Variants in ARHGEF10L observed in about 807,000 individuals in gnomAD.
ARHGEF10L encodes the protein rho guanine nucleotide exchange factor 10-like protein.
In ARHGEF10L, 69 loss-of-function variants were observed where a neutral mutation model predicts 141.2. The observed-to-expected ratio is 0.49, with a 90% CI of 0.40 to 0.60. ARHGEF10L has a LOEUF of 0.60. Ranked by LOEUF, ARHGEF10L falls within the 20% of genes least tolerant of loss-of-function variation. The pLI, the probability that ARHGEF10L is intolerant of heterozygous loss-of-function variation, is 0.00. For synonymous variants in ARHGEF10L, 711 were observed against 718.5 expected (o/e 0.99, Z 0.17); for missense variants, 1,482 against 1,734.3 (o/e 0.85, Z 2.58).
At chr1:17,527,370 T>C in the ARHGEF10L span, among the ~76,000 whole-genome samples, 19 of 152,284 alleles carry the variant, frequency 1.2e-4, no homozygotes, top group African/African-American at 4.6e-4. Flanking sequence ...TCCTGGCGGG[T>C]GCTCCACACA....
chr1:17,667,442 G>T (rs537670734), intron 26 of ARHGEF10L, among the ~76,000 whole-genome samples: 8 of 152,360 alleles, frequency 5.3e-5, no homozygotes, highest in Middle Eastern at 3.4e-3. Context: ...ATATTGGGGG[G>T]AGTGGGGCCC....
chr1:17,687,239 G>C lies in ARHGEF10L; in HGVS notation c.3010-334G>C, dbSNP rs141599339. ...CATGCCTGGTCCTGTCTGCTCGTGA[G>C]TGAGCGTGTGCATGTCTTTCCTGCT... On this transcript the variant is annotated intron_variant, in intron 26 of 28. Transcript: ENST00000361221. Among the ~76,000 whole-genome samples the C allele has an allele frequency of 2.7e-3, 410 of 152,300 alleles. 2 individuals carry two copies. The highest frequency in any genetic ancestry group is 9.6e-3 in the African/African-American group (399 of 41,572).
intron 2 of ARHGEF10L, among the ~76,000 whole-genome samples, chr1:17,586,336 G>A (rs1168986490): frequency 2.0e-5 from 3 of 152,248 alleles, no homozygotes; most frequent in South Asian, 4.1e-4. Context: ...GGCCATGTGA[G>A]CGCAGAGCTC....
At chr1:17,537,262 G>A (rs2076588529), upstream of ARHGEF10L, among the ~76,000 whole-genome samples, 2 of 152,168 alleles carry the variant, frequency 1.3e-5, no homozygotes, top group African/African-American at 4.8e-5. Flanking sequence ...CAAAACCACT[G>A]TGGGCAAAAC....
chr1:17,603,081 C>T lies in ARHGEF10L; in HGVS notation c.350-427C>T, dbSNP rs1190701439. Among the ~76,000 whole-genome samples, 5 of 151,554 alleles carry T rather than the reference C, an allele frequency of 3.3e-5. No homozygotes were observed. Among genetic ancestry groups the T allele is most frequent in the Non-Finnish European group, 5.9e-5 (4 of 67,800 alleles). On this transcript the variant is annotated intron_variant, in intron 5 of 28. Coordinates refer to ENST00000361221, the MANE Select transcript of ARHGEF10L (RefSeq NM_018125.4). The surrounding 1 kb of genome is among the most constrained non-coding windows in gnomAD (Gnocchi z 4.8). ...CCTGGAAGGCCTGTGGGTCAAGGACCGGCTCCCATCAGGGGTGGGGGCTGG... is the reference window on the plus strand; with the variant it reads ...CCTGGAAGGCCTGTGGGTCAAGGACTGGCTCCCATCAGGGGTGGGGGCTGG...
chr1:17,594,559 C>T (rs1036363446), intron 4 of ARHGEF10L, among the ~76,000 whole-genome samples: 1 of 152,164 alleles, frequency 6.6e-6, no homozygotes, highest in African/African-American at 2.4e-5. Context: ...CTCACTCCAA[C>T]CTCTGCTCTG....
Position 17,615,903 on chromosome 1 carries a change from G to C in ARHGEF10L, c.727-191G>C, listed in dbSNP as rs1046190713. The C allele has an allele frequency of 3.5e-6, 2 of 576,818 alleles. No homozygotes were observed. The highest frequency in any genetic ancestry group is 2.9e-5 in the East Asian group (1 of 34,774). The allele number at this position is 576,818 out of a possible 1,614,324, so 35.7% of individuals were successfully genotyped here. A position where few individuals can be genotyped will look rare whatever the true frequency, so the allele number is the denominator to read the frequency against. ...GTTACAGCCTCCTGTTGCCCCTAAA[G>C]AGGGAGATCCCCGGGCATGAACGCA... On this transcript the variant is annotated intron_variant, in intron 8 of 28. Coordinates refer to ENST00000361221, the MANE Select transcript of ARHGEF10L (RefSeq NM_018125.4). The surrounding 1 kb of genome is among the most constrained non-coding windows in gnomAD (Gnocchi z 4.7).
At chr1:17,563,666 G>A (rs2100222351) in intron 1 of ARHGEF10L, among the ~76,000 whole-genome samples, 1 of 152,268 alleles carries the variant, frequency 6.6e-6, no homozygotes, top group African/African-American at 2.4e-5. Context: ...ACCTAATTGG[G>A]TCTCAGGAGT....
intron 22 of ARHGEF10L, among the ~76,000 whole-genome samples, chr1:17,653,236 G>T (rs978415786): frequency 2.0e-5 from 3 of 152,214 alleles, no homozygotes; most frequent in Admixed American, 6.5e-5. Context: ...TGGGGCTGGA[G>T]CCGTGTTGGC....
At chr1:17,664,406 C>A in intron 25 of ARHGEF10L, 41 bp from the exon 26 acceptor site, 1 of 1,584,588 alleles carries the variant, frequency 6.3e-7, no homozygotes. Flanking sequence ...GACCTGCTTG[C>A]CGCTCCTGGC....
intron 4 of ARHGEF10L, among the ~76,000 whole-genome samples, chr1:17,594,481 C>G (rs979842149): frequency 6.6e-6 from 1 of 152,100 alleles, no homozygotes; most frequent in Non-Finnish European, 1.5e-5. Flanking sequence ...CCCTCAGTTT[C>G]TTTTCTTTTC....
At chr1:17,696,765 T>A in intron 28 of ARHGEF10L, 83 bp from the exon 29 acceptor site, 5 of 1,346,112 alleles carry the variant, frequency 3.7e-6, no homozygotes, top group Non-Finnish European at 4.0e-6. Flanking sequence ...CCACCCAGAA[T>A]GTTCTCCAGG....
chr1:17,609,012 G>A (rs113523515), intron 7 of ARHGEF10L, among the ~76,000 whole-genome samples: 1 of 152,128 alleles, frequency 6.6e-6, no homozygotes, highest in African/African-American at 2.4e-5. Flanking sequence ...CAAACTCCTG[G>A]CCTCAAGTGA....
intron 4 of ARHGEF10L, among the ~76,000 whole-genome samples, chr1:17,589,712 C>T (rs756295333): frequency 6.6e-6 from 1 of 152,192 alleles, no homozygotes; most frequent in African/African-American, 2.4e-5. Context: ...AGCAGCCATT[C>T]GTCCTGCACC....
rs765771808 is a variant in ARHGEF10L at position 17,656,530 on chromosome 1, C to G, written c.2706-24C>G. On this transcript the variant is annotated intron_variant, in intron 24 of 28. Coordinates refer to ENST00000361221, the MANE Select transcript of ARHGEF10L (RefSeq NM_018125.4). The surrounding 1 kb of genome is among the most constrained non-coding windows in gnomAD (Gnocchi z 4.9). Reference sequence around the variant, plus strand: ...GTGGGAGTGCTCAGTGTGTCATGACCGCTTCTCCAACCTCTCCCCGCAGCA... The same window carrying G: ...GTGGGAGTGCTCAGTGTGTCATGACGGCTTCTCCAACCTCTCCCCGCAGCA... 5.6e-6 allele frequency: 9 copies of G among 1,599,562 alleles called. No individual in the cohort carries two copies. In the East Asian group the frequency reaches 6.7e-5, roughly 12 times the overall value.
chr1:17,609,323 G>A (rs2059421739), intron 7 of ARHGEF10L, among the ~76,000 whole-genome samples: 1 of 152,220 alleles, frequency 6.6e-6, no homozygotes, highest in South Asian at 2.1e-4. Context: ...GACTGAGCAG[G>A]TCTCTCTCAG....
At chr1:17,658,133 G>A (rs2062391952) in intron 25 of ARHGEF10L, among the ~76,000 whole-genome samples, 1 of 152,196 alleles carries the variant, frequency 6.6e-6, no homozygotes, top group Non-Finnish European at 1.5e-5. Context: ...GTTTTCCCTG[G>A]CTGTGTGTCT....
At chr1:17,552,080 C>T (rs1405782880) in intron 1 of ARHGEF10L, among the ~76,000 whole-genome samples, 1 of 152,198 alleles carries the variant, frequency 6.6e-6, no homozygotes, top group Non-Finnish European at 1.5e-5. Context: ...TCTGCTTCCT[C>T]CCCAATGAGT....
intron 1 of ARHGEF10L, among the ~76,000 whole-genome samples, chr1:17,578,954 C>T (rs2078345297): frequency 6.6e-6 from 1 of 152,054 alleles, no homozygotes; most frequent in Non-Finnish European, 1.5e-5. Context: ...CTTGAGAAGT[C>T]AGTAACAGTC....
Sources: gnomAD v4.1 joint callset for allele counts (sites outside exome capture counted in the v4.1 genomes callset) on GRCh38, gnomAD v4.1.1 for gene constraint, Gnocchi (gnomAD v3.1) non-coding constraint, MANE v1.5 for transcripts, NCBI Gene and HGNC (gene_info 2026-07-23, HGNC 2026-07-21) for gene names.